SLC6A6: variants seen among roughly 807,000 people sequenced by gnomAD.
SLC6A6 encodes solute carrier family 6 member 6.
Under a neutral mutation model 68.8 loss-of-function variants are expected in SLC6A6, and 16 were observed. The observed-to-expected ratio is 0.23, with a 90% CI of 0.16 to 0.35. SLC6A6 has a LOEUF of 0.35. Among genes scored for constraint, SLC6A6 ranks in the 10% least tolerant of loss-of-function variants. SLC6A6 has a pLI of 1.00. For missense variants in SLC6A6, 474 were observed against 802.8 expected, an observed-to-expected ratio of 0.59 and a Z score of 4.95; for synonymous variants, 312 against 315.4, an observed-to-expected ratio of 0.99 and a Z score of 0.12.
At chr3:14,467,764 C>T in intron 7 of SLC6A6, 89 bp from the exon 8 acceptor site, 8 of 732,046 alleles carry the variant, frequency 1.1e-5, no homozygotes, top group Non-Finnish European at 1.9e-5. Context: ...CAGGCCATCG[C>T]CAGGTGGACA....
At chr3:14,453,180 T>C (rs1437092738) in intron 5 of SLC6A6, among the ~76,000 whole-genome samples, 1 of 152,214 alleles carries the variant, frequency 6.6e-6, no homozygotes, top group African/African-American at 2.4e-5. Flanking sequence ...AGGAAACGAT[T>C]TGGCCCGCTA....
At chr3:14,425,428 C>T (rs1699573348) in intron 2 of SLC6A6, among the ~76,000 whole-genome samples, 1 of 152,016 alleles carries the variant, frequency 6.6e-6, no homozygotes, top group Non-Finnish European at 1.5e-5. Context: ...TCTCCACACA[C>T]ATTGTCGGGA....
chr3:14,416,122 G>T (rs932773667), intron 1 of SLC6A6, among the ~76,000 whole-genome samples: 4 of 152,138 alleles, frequency 2.6e-5, no homozygotes, highest in Admixed American at 2.0e-4. Context: ...GTCCCATGTG[G>T]GTCTGTGTGT....
chr3:14,467,331 T>C (rs914422827), intron 7 of SLC6A6, among the ~76,000 whole-genome samples: 4 of 152,168 alleles, frequency 2.6e-5, no homozygotes, highest in Non-Finnish European at 4.4e-5. Flanking sequence ...GTGAAGATTC[T>C]GGAGAGCAGC....
In SLC6A6 at chr3:14,429,949, G is replaced by A. The variant is rs548148533; in HGVS notation, c.-12+13496G>A. On this transcript the variant is annotated intron_variant, in intron 2 of 14. Coordinates refer to ENST00000622186, the MANE Select transcript of SLC6A6 (RefSeq NM_003043.6). ...AGTGCAGTGTCTGGTGAATGGTGGG[G>A]GTGATTTGAGCTGGAGGATGCTAAA... 3.9e-5 allele frequency among the ~76,000 whole-genome samples: 6 copies of A among 152,266 alleles called. No homozygotes were observed. The South Asian group carries it at 8.3e-4, about 21-fold the overall frequency.
rs1008790246 is a variant in SLC6A6 at position 14,468,788 on chromosome 3, G to A, written c.1096+576G>A. Among the ~76,000 whole-genome samples, 24 of 152,156 alleles carry A rather than the reference G, an allele frequency of 1.6e-4. No homozygotes were observed. The highest frequency in any genetic ancestry group is 7.3e-5 in the Non-Finnish European group (5 of 68,038). ...GGGACGGTGGCAGATCCAACTGGGGGTGGGTTGTAAGCACAGTGTCGCCCC... is the reference window on the plus strand; with the variant it reads ...GGGACGGTGGCAGATCCAACTGGGGATGGGTTGTAAGCACAGTGTCGCCCC... On this transcript the variant is annotated intron_variant, in intron 9 of 14. Coordinates refer to ENST00000622186, the MANE Select transcript of SLC6A6 (RefSeq NM_003043.6). This position sits in a 1 kb window ranked among gnomAD's most constrained non-coding sequence, Gnocchi z 4.5.
In SLC6A6 at chr3:14,485,024, G is replaced by C. The variant is rs200172351; in HGVS notation, c.*17G>C. The C allele has an allele frequency of 6.3e-7, 1 of 1,592,042 alleles. No homozygotes were observed. The highest frequency in any genetic ancestry group is 1.7e-5 in the Admixed American group (1 of 59,226). ...ATGATGTGAGCTCTCTCGGGTCGAC[G>C]GGGCCGGCGGCTTTCCTGCTGTTTA... On this transcript the variant is annotated 3_prime_UTR_variant, in exon 15 of 15. Transcript: ENST00000622186.
intron 6 of SLC6A6, among the ~76,000 whole-genome samples, chr3:14,459,284 G>A (rs1471721605): frequency 6.6e-6 from 1 of 152,222 alleles, no homozygotes; most frequent in Non-Finnish European, 1.5e-5. Flanking sequence ...GACCTTAGCT[G>A]CCCCAGCCAC....
intron 2 of SLC6A6, among the ~76,000 whole-genome samples, chr3:14,438,669 C>T (rs949646977): frequency 1.3e-5 from 2 of 152,142 alleles, no homozygotes; most frequent in Non-Finnish European, 2.9e-5. Context: ...AGAAACCTGG[C>T]CCAGAGATCC....
chr3:14,475,675 C>A (rs746943570), intron 10 of SLC6A6, among the ~76,000 whole-genome samples: 36 of 152,154 alleles, frequency 2.4e-4, no homozygotes, highest in Non-Finnish European at 2.9e-4. Flanking sequence ...CGACACTGAC[C>A]TTCCTGTCTT....
At chr3:14,452,082 T>C (rs1396551492) in intron 5 of SLC6A6, among the ~76,000 whole-genome samples, 1 of 152,102 alleles carries the variant, frequency 6.6e-6, no homozygotes, top group African/African-American at 2.4e-5. Flanking sequence ...AGCGGAGCCA[T>C]CTCCCAGCTT....
intron 10 of SLC6A6, among the ~76,000 whole-genome samples, chr3:14,475,084 T>G (rs1000284910): frequency 2.6e-5 from 4 of 152,166 alleles, no homozygotes; most frequent in African/African-American, 9.7e-5. Context: ...CAGGTTAGAG[T>G]GCAGTGGCGC....
intron 9 of SLC6A6, among the ~76,000 whole-genome samples, chr3:14,471,184 C>T (rs991719483): frequency 2.3e-5 from 3 of 132,198 alleles, no homozygotes; most frequent in Non-Finnish European, 3.1e-5. Context: ...TTGCTGCCCT[C>T]GCTTCTCAGA....
intron 2 of SLC6A6, among the ~76,000 whole-genome samples, chr3:14,438,634 G>A (rs1180230651): frequency 6.6e-6 from 1 of 152,164 alleles, no homozygotes; most frequent in African/African-American, 2.4e-5. Flanking sequence ...CCGCTGATCA[G>A]TTTGCTTAAC....
chr3:14,485,156 G>C lies in SLC6A6; in HGVS notation c.*149G>C, dbSNP rs1021784268. 5.4e-6 allele frequency: 3 copies of C among 553,118 alleles called. No individual in the cohort carries two copies. Among genetic ancestry groups the C allele is most frequent in the Non-Finnish European group, 8.9e-6 (3 of 337,748 alleles). 34.3% of individuals were successfully genotyped at this position (553,118 alleles called of 1,614,324 possible). A position where few individuals can be genotyped will look rare whatever the true frequency, so the allele number is the denominator to read the frequency against. On this transcript the variant is annotated 3_prime_UTR_variant, in exon 15 of 15. Transcript: ENST00000622186. ...AAAATGTAATTGTGGGTATGTGTGC[G>C]TGCGTGTGTGTGTGTGTGTGTATCG...
Position 14,481,600 on chromosome 3 carries a change from T to C in SLC6A6, c.1552-71T>C, listed in dbSNP as rs1701007950. On this transcript the variant is annotated intron_variant, in intron 13 of 14. Transcript: ENST00000622186. The surrounding 1 kb of genome is among the most constrained non-coding windows in gnomAD (Gnocchi z 4.7). ...GACCCTTCCCTCAGGTTGAGGCCAGTCCTAGTCCCAGAAGCCCCCCACCCC... is the reference window on the plus strand; with the variant it reads ...GACCCTTCCCTCAGGTTGAGGCCAGCCCTAGTCCCAGAAGCCCCCCACCCC... 9.4e-7 allele frequency: 1 copy of C among 1,065,506 alleles called. No homozygotes were observed. The highest frequency in any genetic ancestry group is 1.4e-6 in the Non-Finnish European group (1 of 702,418). The allele number at this position is 1,065,506 out of a possible 1,614,324, so 66.0% of individuals were successfully genotyped here. A position where few individuals can be genotyped will look rare whatever the true frequency, so the allele number is the denominator to read the frequency against.
intron 2 of SLC6A6, among the ~76,000 whole-genome samples, chr3:14,424,506 G>A (rs1362145504): frequency 6.6e-6 from 1 of 152,082 alleles, no homozygotes; most frequent in Non-Finnish European, 1.5e-5. Flanking sequence ...AGTGCAGCGT[G>A]GCTGGGGTGT....
At chr3:14,425,146 C>T (rs958309996) in intron 2 of SLC6A6, among the ~76,000 whole-genome samples, 4 of 152,128 alleles carry the variant, frequency 2.6e-5, no homozygotes, top group Admixed American at 6.5e-5. Context: ...ATTGTGTATT[C>T]GAGGCACTTC....
rs919308808 is a variant in SLC6A6 at position 14,461,195 on chromosome 3, C to T, written c.732+3113C>T. Among the ~76,000 whole-genome samples the T allele has an allele frequency of 3.3e-5, 5 of 152,356 alleles. No homozygotes were observed. In the East Asian group the frequency reaches 5.8e-4, roughly 18 times the overall value. On this transcript the variant is annotated intron_variant, in intron 6 of 14. Transcript: ENST00000622186. ...CGAAAGCGCAGTAGCCTGTGAGTGCCGGGCAGCATTCTCAGTGCTGCTAGG... is the reference window on the plus strand; with the variant it reads ...CGAAAGCGCAGTAGCCTGTGAGTGCTGGGCAGCATTCTCAGTGCTGCTAGG...
Sources: allele counts gnomAD v4.1 joint callset (sites outside exome capture counted in the v4.1 genomes callset), GRCh38; gene constraint gnomAD v4.1.1; non-coding constraint Gnocchi (gnomAD v3.1); transcripts MANE v1.5; gene names NCBI Gene and HGNC (gene_info 2026-07-23, HGNC 2026-07-21).